The following KALRN variants were observed in gnomAD, a reference collection of about 807,000 sequenced individuals.
KALRN encodes kalirin RhoGEF kinase, also known as kalirin.
KALRN carries 70 observed loss-of-function variants against 353.7 expected under a neutral mutation model. The ratio of observed to expected loss-of-function variants is 0.20; its 90% CI spans 0.16 to 0.24. KALRN has a LOEUF of 0.24. Ranked by LOEUF, KALRN falls within the 10% of genes least tolerant of loss-of-function variation. KALRN has a pLI of 1.00. For synonymous variants in KALRN, 1,391 were observed against 1,434.8 expected, an observed-to-expected ratio of 0.97 and a Z score of 0.69; for missense variants, 2,791 against 3,756.7, an observed-to-expected ratio of 0.74 and a Z score of 6.72.
chr3:124,572,355 A>T (rs935364638), intron 34 of KALRN, among the ~76,000 whole-genome samples: 1 of 152,152 alleles, frequency 6.6e-6, no homozygotes, highest in African/African-American at 2.4e-5. Context: ...AAACAAAAAA[A>T]AAAACAGGTT....
Position 124,330,244 on chromosome 3 carries a change from TCTCACACA to T in KALRN, c.1416+254_1416+261del, listed in dbSNP as rs1337096581. ...CTCGCATTCATTCTCTCTCTCTCTC[TCTCACACA>T]CACACACACACACACACACACACAC... On this transcript the variant is annotated intron_variant, in intron 8 of 59. Transcript: ENST00000682506. 6.2e-5 allele frequency among the ~76,000 whole-genome samples: 6 copies of T among 96,174 alleles called. No individual in the cohort carries two copies. The East Asian group carries it at 1.1e-3, about 18-fold the overall frequency. 63.1% of individuals were successfully genotyped at this position (96,174 alleles called of 152,430 possible). A position where few individuals can be genotyped will look rare whatever the true frequency, so the allele number is the denominator to read the frequency against.
At chr3:124,125,628 G>A (rs66476768) in intron 1 of KALRN, among the ~76,000 whole-genome samples, 16,615 of 152,184 alleles carry the variant, frequency 0.11, 1,187 homozygotes, top group Middle Eastern at 0.2. Context: ...GGAGTCTAAG[G>A]GAGGTCCAGA....
At chr3:124,699,779 G>A (rs975549383) in intron 55 of KALRN, 90 bp from the exon 56 acceptor site, 24 of 1,234,088 alleles carry the variant, frequency 1.9e-5, no homozygotes, top group Admixed American at 1.1e-4. Context: ...AATTGAATGT[G>A]TCTATTTTCC....
At chr3:124,127,007 T>C (rs1230200535) in intron 1 of KALRN, among the ~76,000 whole-genome samples, 1 of 152,168 alleles carries the variant, frequency 6.6e-6, no homozygotes, top group African/African-American at 2.4e-5. Context: ...AACTACAATA[T>C]GGGATTCATA....
At chr3:124,543,356 C>T (rs1194832326) in intron 33 of KALRN, among the ~76,000 whole-genome samples, 1 of 150,496 alleles carries the variant, frequency 6.6e-6, no homozygotes, top group African/African-American at 2.5e-5. Flanking sequence ...GGCTGGAGTG[C>T]GGTGGCGTGA....
chr3:124,504,684 A>G (rs2065010805), intron 33 of KALRN: 1 of 379,390 alleles, frequency 2.6e-6, no homozygotes, highest in Non-Finnish European at 5.4e-6. Flanking sequence ...ATTCTGCCCT[A>G]GACAGAATCT....
chr3:124,675,443 AC>A (rs2087053450), intron 49 of KALRN: 1 of 150,532 alleles, frequency 6.6e-6, no homozygotes, highest in South Asian at 2.1e-4. Context: ...AGACTAGTTG[AC>A]CCTTTTTCCC....
intron 33 of KALRN, among the ~76,000 whole-genome samples, chr3:124,528,272 C>G (rs1292873689): frequency 6.6e-6 from 1 of 152,102 alleles, no homozygotes; most frequent in Non-Finnish European, 1.5e-5. Context: ...TCCAGGGGAC[C>G]CAGTGAAGAG....
chr3:124,203,999 A>G (rs2150418277), intron 1 of KALRN, among the ~76,000 whole-genome samples: 1 of 152,320 alleles, frequency 6.6e-6, no homozygotes, highest in East Asian at 1.9e-4. Flanking sequence ...CAACTGCAGG[A>G]CATGAGTATG....
rs900157105 is a variant in KALRN, at chr3:124,279,456, G to T, written c.969+10201G>T. ...CAGCAGTGGATAGATGCCTGGGGAG[G>T]CTCTCTTGAGGGGCATGCATGGGGA... is the stretch of plus-strand genomic sequence containing the variant. On this transcript the variant is annotated intron_variant, in intron 5 of 59. Coordinates refer to ENST00000682506, the MANE Select transcript of KALRN (RefSeq NM_001388419.1). Among the ~76,000 whole-genome samples the T allele has an allele frequency of 2.6e-5, 4 of 152,258 alleles. No individual in the cohort carries two copies. In the East Asian group the frequency reaches 7.7e-4, roughly 29 times the overall value.
chr3:124,282,797 G>A (rs554137346), intron 5 of KALRN, among the ~76,000 whole-genome samples: 1 of 152,350 alleles, frequency 6.6e-6, no homozygotes, highest in East Asian at 1.9e-4. Flanking sequence ...GCCCTGCAGA[G>A]TATATCCTGT....
At chr3:124,473,721 A>G (rs1561059382) in intron 25 of KALRN, among the ~76,000 whole-genome samples, 1 of 152,194 alleles carries the variant, frequency 6.6e-6, no homozygotes, top group Non-Finnish European at 1.5e-5. Flanking sequence ...ATGTATATAC[A>G]TCATTTTATA....
intron 10 of KALRN, among the ~76,000 whole-genome samples, chr3:124,356,824 T>C (rs2083470520): frequency 6.6e-6 from 1 of 152,148 alleles, no homozygotes. Context: ...CTCTTCTCAC[T>C]TTACACAAAC....
chr3:124,303,046 A>G (rs1411853977), intron 6 of KALRN, among the ~76,000 whole-genome samples: 1 of 152,206 alleles, frequency 6.6e-6, no homozygotes, highest in African/African-American at 2.4e-5. Flanking sequence ...AGTCTGTAAT[A>G]AAAAGAAATA....
intron 1 of KALRN, among the ~76,000 whole-genome samples, chr3:124,064,270 T>C (rs1306012989): frequency 6.6e-6 from 1 of 151,862 alleles, no homozygotes; most frequent in Non-Finnish European, 1.5e-5. Context: ...TGATTAAGCC[T>C]TAAAGAACAA....
At chr3:124,646,269 G>A (rs1386252306) in intron 37 of KALRN, among the ~76,000 whole-genome samples, 1 of 152,054 alleles carries the variant, frequency 6.6e-6, no homozygotes, top group Non-Finnish European at 1.5e-5. Flanking sequence ...TCCTTATATG[G>A]AGCTCGCAGT....
chr3:124,191,639 G>A (rs929715107), intron 1 of KALRN, among the ~76,000 whole-genome samples: 2 of 152,142 alleles, frequency 1.3e-5, no homozygotes, highest in African/African-American at 4.8e-5. Context: ...GAACAGTTGG[G>A]CTGGCTATTT....
chr3:124,634,947 T>C (rs2081198095), intron 36 of KALRN, among the ~76,000 whole-genome samples: 1 of 152,188 alleles, frequency 6.6e-6, no homozygotes, highest in Admixed American at 6.5e-5. Flanking sequence ...TCAGTTCTTA[T>C]TTTAATTCTC....
intron 33 of KALRN, among the ~76,000 whole-genome samples, chr3:124,535,916 A>C (rs1048909542): frequency 3.9e-5 from 6 of 152,268 alleles, no homozygotes; most frequent in African/African-American, 1.4e-4. Context: ...TCTAATTCTC[A>C]TATCCTAGAT....
Sources: allele counts gnomAD v4.1 joint callset (sites outside exome capture counted in the v4.1 genomes callset), GRCh38; gene constraint gnomAD v4.1.1; transcripts MANE v1.5; gene names NCBI Gene and HGNC (gene_info 2026-07-23, HGNC 2026-07-21).